Variants in UGT2B4 observed in about 807,000 individuals in gnomAD.
UGT2B4 encodes the protein UDP glucuronosyltransferase family 2 member B4.
A neutral mutation model predicts 49.8 loss-of-function variants in UGT2B4; 49 were observed. The ratio of observed to expected loss-of-function variants is 0.98; its 90% confidence interval spans 0.78 to 1.25. The LOEUF is 1.25. UGT2B4 is among the 50% of genes most tolerant of loss of function. UGT2B4 has a pLI of 0.00. For missense variants in UGT2B4, 729 were observed against 627.7 expected, an observed-to-expected ratio of 1.16 and a Z score of -1.73; for synonymous variants, 246 against 217.7, an observed-to-expected ratio of 1.13 and a Z score of -1.14.
Position 69,495,867 on chromosome 4 carries a change from T to C in UGT2B4, c.-6A>G, listed in dbSNP as rs763916793. On this transcript the variant is annotated 5_prime_UTR_variant, in exon 1 of 6. Transcript: ENST00000305107. ...GAAGTCCATTTCATAGACATCCTGA[T>C]GCAATGCAATGCTTGTTTTCCAGTT... The C allele has an allele frequency of 1.2e-5, 19 of 1,566,212 alleles. No homozygotes were observed. Among genetic ancestry groups the C allele is most frequent in the Non-Finnish European group, 1.6e-5 (19 of 1,159,526 alleles).
intron 1 of UGT2B4, among the ~76,000 whole-genome samples, chr4:69,523,140 A>G (rs1043930445): frequency 6.6e-6 from 1 of 152,148 alleles, no homozygotes; most frequent in Non-Finnish European, 1.5e-5. Flanking sequence ...TGTAATAAAT[A>G]AATCAACTTC....
intron 1 of UGT2B4, among the ~76,000 whole-genome samples, chr4:69,514,502 T>C (rs1212079694): frequency 1.3e-5 from 2 of 152,168 alleles, no homozygotes; most frequent in African/African-American, 4.8e-5. Context: ...CTATGTTGTA[T>C]AGGAGTGGGG....
intron 1 of UGT2B4, among the ~76,000 whole-genome samples, chr4:69,521,364 G>A (rs1454519631): frequency 6.6e-6 from 1 of 152,146 alleles, no homozygotes; most frequent in African/African-American, 2.4e-5. Context: ...AACCTCTTTG[G>A]GGCTCTGCAG....
chr4:69,514,718 C>T (rs933891280), intron 1 of UGT2B4, among the ~76,000 whole-genome samples: 1 of 152,148 alleles, frequency 6.6e-6, no homozygotes. Context: ...TTGAGTTAAT[C>T]GTGGTTTTGT....
chr4:69,490,163 GT>G (rs1727937490), intron 2 of UGT2B4, among the ~76,000 whole-genome samples: 1 of 152,104 alleles, frequency 6.6e-6, no homozygotes, highest in South Asian at 2.1e-4. Flanking sequence ...GCTGTAAAAG[GT>G]GGTGGTTAAG....
At chr4:69,508,568 T>C (rs1387979453) in intron 1 of UGT2B4, among the ~76,000 whole-genome samples, 2 of 151,970 alleles carry the variant, frequency 1.3e-5, no homozygotes, top group South Asian at 2.1e-4. Context: ...ATGGATGGAG[T>C]TGGATGCCAT....
chr4:69,495,761 C>G lies in UGT2B4; in HGVS notation c.101G>C (p.Ser34Thr), dbSNP rs1577890768. ...GKVLVWPTEF[S>T]HWMNIKTILD... ...GATTGTCTTTATATTCATCCAGTGG[C>G]TGAATTCTGTGGGCCACACCAGCAC... The change falls in exon 1 of 6, where the codon AGC becomes ACC. Residue 34 changes from serine to threonine, a missense_variant. Physicochemically the swap from Ser to Thr is moderately conservative, Grantham distance 58 (BLOSUM62 1). Transcript: ENST00000305107. 1 of 1,614,010 alleles carries G rather than the reference C, an allele frequency of 6.2e-7. No individual in the cohort carries two copies.
intron 1 of UGT2B4, among the ~76,000 whole-genome samples, chr4:69,511,192 G>A (rs1560441553): frequency 6.6e-6 from 1 of 151,878 alleles, no homozygotes; most frequent in Non-Finnish European, 1.5e-5. Context: ...ATTTCACCAA[G>A]TTGACCAGGC....
upstream of UGT2B4, among the ~76,000 whole-genome samples, chr4:69,499,014 C>T (rs1437055439): frequency 6.6e-6 from 1 of 152,106 alleles, no homozygotes; most frequent in African/African-American, 2.4e-5. Flanking sequence ...CTTTAAATTT[C>T]CCGCTTAGCA....
intron 1 of UGT2B4, among the ~76,000 whole-genome samples, chr4:69,514,226 C>T (rs1028051762): frequency 2.0e-5 from 3 of 152,076 alleles, no homozygotes; most frequent in Non-Finnish European, 4.4e-5. Context: ...TCTGCTAATG[C>T]TATCCCTCCC....
chr4:69,486,424 G>A (rs1440615427), intron 4 of UGT2B4, 185 bp downstream of exon 4: 2 of 368,808 alleles, frequency 5.4e-6, no homozygotes, highest in Non-Finnish European at 9.6e-6. Context: ...AAGAATGTGG[G>A]TGCATATCAT....
At chr4:69,523,704 G>T (rs1207041183) in intron 1 of UGT2B4, among the ~76,000 whole-genome samples, 1 of 152,052 alleles carries the variant, frequency 6.6e-6, no homozygotes, top group Non-Finnish European at 1.5e-5. Context: ...GAGTCAGCCT[G>T]TGCTTTAAAG....
At chr4:69,520,554 C>A (rs548322035) in intron 1 of UGT2B4, among the ~76,000 whole-genome samples, 89 of 152,370 alleles carry the variant, frequency 5.8e-4, no homozygotes, top group African/African-American at 2.0e-3. Context: ...CTCCCGCTGC[C>A]TGGCTTCTCC....
At position 69,516,685 on chromosome 4, in the gene UGT2B4, C is replaced by T. The variant is rs181146397; in HGVS notation, c.-106+9002G>A. The stretch of plus-strand genomic sequence containing the variant: ...GCAGTGGTGTGATCTCGGCTCACTG[C>T]AACCTCCACCTCTTAGGTTTAGGGG... On this transcript the variant is annotated intron_variant, in intron 1 of 1. Transcript: ENST00000510114. Among the ~76,000 whole-genome samples the T allele has an allele frequency of 2.8e-3, 419 of 151,952 alleles. 2 individuals are homozygous for T. Among genetic ancestry groups the T allele is most frequent in the African/African-American group, 9.5e-3 (394 of 41,442 alleles).
rs555282329 is a variant in UGT2B4, at chr4:69,495,700, A to T, written c.162T>A (p.Thr54=). ...AAATGGAAGCTGAAGATGCCAATAC[A>T]GTCACCTCATGACCTCTCTGGACAA... The part of the protein sequence containing the change: ...DELVQRGHEV[T]VLASSASISF... Residue 54 remains threonine, a synonymous_variant, in exon 1 of 6, where the codon ACT becomes ACA. Coordinates refer to ENST00000305107, the MANE Select transcript of UGT2B4 (RefSeq NM_021139.3). The T allele has an allele frequency of 7.4e-6, 12 of 1,614,072 alleles. No individual in the cohort carries two copies. The African/African-American group carries it at 1.5e-4, about 20-fold the overall frequency.
chr4:69,512,734 GTTTGTTTTGT>G (rs947706620), intron 1 of UGT2B4, among the ~76,000 whole-genome samples: 1 of 151,686 alleles, frequency 6.6e-6, no homozygotes, highest in Non-Finnish European at 1.5e-5. Context: ...TTGTTTGTTT[GTTTGTTTTGT>G]TTTGTTTTGT....
In UGT2B4 at chr4:69,480,818, A is replaced by G. The variant is rs1560429991; in HGVS notation, c.1403T>C (p.Met468Thr). 1 of 1,613,932 alleles carries G rather than the reference A, an allele frequency of 6.2e-7. No individual in the cohort carries two copies. The highest frequency in any genetic ancestry group is 8.5e-7 in the Non-Finnish European group (1 of 1,179,836). Residue 468 changes from methionine to threonine, a missense_variant, in exon 6 of 6, where the codon ATG (methionine) becomes ACG (threonine). Physicochemically the swap from Met to Thr is moderately conservative, Grantham distance 81. Coordinates refer to ENST00000305107, the MANE Select transcript of UGT2B4 (RefSeq NM_021139.3). The part of the protein sequence containing the change: ...DRAVFWIEFV[M>T]RHKGAKHLRV... ...AAGGTGCTTGGCTCCTTTATGGCGC[A>G]TGACAAATTCAATCCAGAAGACTGC... is the stretch of plus-strand genomic sequence containing the variant.
chr4:69,512,225 G>A (rs1728622047), intron 1 of UGT2B4, among the ~76,000 whole-genome samples: 2 of 151,688 alleles, frequency 1.3e-5, no homozygotes. Flanking sequence ...TATGTGTAAT[G>A]TTAGCCTGAT....
In UGT2B4 at chr4:69,511,026, C is replaced by CT. The variant is rs1728592156; in HGVS notation, c.-106+14660_-106+14661insA. Among the ~76,000 whole-genome samples the CT allele has an allele frequency of 2.3e-5, 3 of 131,838 alleles. No homozygotes were observed. In the Admixed American group the frequency reaches 2.6e-4, roughly 11 times the overall value. The allele number at this position is 131,838 out of a possible 152,430, so 86.5% of individuals were successfully genotyped here. On this transcript the variant is annotated intron_variant, in intron 1 of 1. Transcript: ENST00000510114. ...TTTTTTTGAGACAGTCTCGCTCTAT[C>CT]ATCCAGGCTGGAGTGCAGTGGCACA... is the stretch of plus-strand genomic sequence containing the variant.
Sources: gnomAD v4.1 joint callset for allele counts (sites outside exome capture counted in the v4.1 genomes callset) on GRCh38, gnomAD v4.1.1 for gene constraint, MANE v1.5 for transcripts, NCBI Gene and HGNC (gene_info 2026-07-23, HGNC 2026-07-21) for gene names.